ERBB4: variants seen among roughly 807,000 people sequenced by gnomAD.
ERBB4 encodes erb-b2 receptor tyrosine kinase 4.
ERBB4 carries 42 observed loss-of-function variants against 158.0 expected under a neutral mutation model. The ratio of observed to expected loss-of-function variants is 0.27; its 90% CI spans 0.21 to 0.34. The LOEUF (loss-of-function observed/expected upper bound fraction) is 0.34. Ranked by LOEUF, ERBB4 falls within the 10% of genes least tolerant of loss-of-function variation. ERBB4 has a pLI of 1.00. For missense variants in ERBB4, 1,333 were observed against 1,624.1 expected (o/e 0.82, Z 3.08); for synonymous variants, 583 against 558.7 (o/e 1.04, Z -0.61).
intron 3 of ERBB4, among the ~76,000 whole-genome samples, chr2:211,876,368 G>C (rs181875401): frequency 2.6e-5 from 4 of 152,306 alleles, no homozygotes; most frequent in African/African-American, 9.6e-5. Flanking sequence ...AGAATGGCAA[G>C]ACAGAGGAAG....
intron 3 of ERBB4, among the ~76,000 whole-genome samples, chr2:211,922,519 G>A (rs1249979452): frequency 6.6e-6 from 1 of 151,990 alleles, no homozygotes; most frequent in Non-Finnish European, 1.5e-5. Flanking sequence ...AGAAATCACT[G>A]CACTTTCCAA....
At chr2:212,180,244 A>G (rs927193618) in intron 1 of ERBB4, among the ~76,000 whole-genome samples, 1 of 151,742 alleles carries the variant, frequency 6.6e-6, no homozygotes, top group Non-Finnish European at 1.5e-5. Context: ...TTCTTGCCCA[A>G]CTGTGAAGAT....
intron 25 of ERBB4, among the ~76,000 whole-genome samples, chr2:211,409,661 A>G (rs139249947): frequency 3.7e-4 from 56 of 152,278 alleles, no homozygotes; most frequent in African/African-American, 1.3e-3. Context: ...TTTTAAGCCA[A>G]TTGATACTAA....
intron 2 of ERBB4, among the ~76,000 whole-genome samples, chr2:211,966,735 C>G (rs1324124004): frequency 1.3e-5 from 2 of 151,692 alleles, no homozygotes; most frequent in East Asian, 1.9e-4. Context: ...AAACCAATAC[C>G]CTGTAGTTCT....
At chr2:212,469,752 AT>A (rs1560414668) in intron 1 of ERBB4, among the ~76,000 whole-genome samples, 3 of 152,082 alleles carry the variant, frequency 2.0e-5, no homozygotes, top group African/African-American at 7.2e-5. Flanking sequence ...AGATTTTTCA[AT>A]GCCTTCCAAA....
At chr2:211,682,881 T>G (rs113063760) in intron 12 of ERBB4, among the ~76,000 whole-genome samples, 4 of 152,150 alleles carry the variant, frequency 2.6e-5, no homozygotes, top group Admixed American at 2.0e-4. Flanking sequence ...AATGTAATAA[T>G]TGAAATAATT....
At chr2:211,596,796 C>A (rs1225421106) in intron 19 of ERBB4, among the ~76,000 whole-genome samples, 1 of 151,250 alleles carries the variant, frequency 6.6e-6, no homozygotes, top group Non-Finnish European at 1.5e-5. Flanking sequence ...TGGAGTTTCA[C>A]TCTTGTTGTT....
chr2:212,188,183 G>T (rs1308897498), intron 1 of ERBB4, among the ~76,000 whole-genome samples: 5 of 37,836 alleles, frequency 1.3e-4, no homozygotes, highest in African/African-American at 3.3e-4. Context: ...AATACCTTCA[G>T]GTCTCTCTCT....
intron 3 of ERBB4, among the ~76,000 whole-genome samples, chr2:211,823,931 T>C (rs562486236): frequency 6.6e-5 from 10 of 151,958 alleles, no homozygotes; most frequent in African/African-American, 9.7e-5. Context: ...ATATGTAAAA[T>C]TGTGTATGAA....
At chr2:211,825,256 G>A (rs1183455581) in intron 3 of ERBB4, among the ~76,000 whole-genome samples, 1 of 151,722 alleles carries the variant, frequency 6.6e-6, no homozygotes, top group African/African-American at 2.4e-5. Flanking sequence ...ATGATAATAA[G>A]TAGTTAACGG....
chr2:211,538,454 C>T (rs1285631111), intron 20 of ERBB4, among the ~76,000 whole-genome samples: 1 of 151,674 alleles, frequency 6.6e-6, no homozygotes, highest in Non-Finnish European at 1.5e-5. Flanking sequence ...AGCTTACAAC[C>T]CTTCAATATT....
chr2:211,684,382 T>C (rs1207545726), intron 12 of ERBB4, among the ~76,000 whole-genome samples: 4 of 151,730 alleles, frequency 2.6e-5, no homozygotes, highest in African/African-American at 4.8e-5. Context: ...AACCGGGAGG[T>C]GGAGGTTTCA....
rs2105870408 is a variant in ERBB4, at chr2:211,793,735, A to G, written c.422-5576T>C. On this transcript the variant is annotated intron_variant, in intron 3 of 27. Coordinates refer to ENST00000342788, the MANE Select transcript of ERBB4 (RefSeq NM_005235.3). ...CCAGAGATTCCTGTATCTTTCCCAA[A>G]CCCAGACCTTTCAGCTGGGAGCACA... 3.3e-5 allele frequency among the ~76,000 whole-genome samples: 5 copies of G among 151,898 alleles called. No individual in the cohort carries two copies. In the South Asian group the frequency reaches 1.0e-3, roughly 32 times the overall value.
intron 20 of ERBB4, among the ~76,000 whole-genome samples, chr2:211,485,383 A>C (rs1204099817): frequency 6.6e-6 from 1 of 152,088 alleles, no homozygotes; most frequent in African/African-American, 2.4e-5. Context: ...TTTCTGTAGG[A>C]AAAACTATAG....
At chr2:212,331,071 T>TATATATATATATATATATATACAC (rs147932949) in intron 1 of ERBB4, among the ~76,000 whole-genome samples, 1 of 120,024 alleles carries the variant, frequency 8.3e-6, no homozygotes, top group African/African-American at 2.8e-5. Flanking sequence ...TATATATATA[T>TATATATATATATATATATATACAC]ACACATATAT....
At chr2:212,080,743 A>G (rs2078418999) in intron 2 of ERBB4, among the ~76,000 whole-genome samples, 1 of 151,384 alleles carries the variant, frequency 6.6e-6, no homozygotes, top group African/African-American at 2.4e-5. Context: ...CAAGCTTTTT[A>G]GAAATTGCTT....
chr2:211,452,186 A>AT lies in ERBB4; in HGVS notation c.2488-21087dup, dbSNP rs138934328. ...TACATTTGTAATAAAAATAAACACT[A>AT]TTTTTTTTTGAGATGGAGTCTCGCT... is the stretch of plus-strand genomic sequence containing the variant. On this transcript the variant is annotated intron_variant, in intron 20 of 27. Transcript: ENST00000342788. 6.4e-3 allele frequency among the ~76,000 whole-genome samples: 919 copies of AT among 144,196 alleles called. 10 individuals carry two copies. The highest frequency in any genetic ancestry group is 0.025 in the African/African-American group (876 of 34,356). The allele number at this position is 144,196 out of a possible 152,430, so 94.6% of individuals were successfully genotyped here. A position where few individuals can be genotyped will look rare whatever the true frequency, so the allele number is the denominator to read the frequency against.
At chr2:211,973,852 C>A (rs1285914782) in intron 2 of ERBB4, among the ~76,000 whole-genome samples, 2 of 151,850 alleles carry the variant, frequency 1.3e-5, no homozygotes, top group African/African-American at 4.8e-5. Context: ...CAATAATAGA[C>A]TGGATAAAAA....
At chr2:212,133,393 GGT>G (rs1399219654) in intron 1 of ERBB4, among the ~76,000 whole-genome samples, 3 of 143,580 alleles carry the variant, frequency 2.1e-5, no homozygotes. Context: ...TTTTCATTTT[GGT>G]GTTTTTTTTT....
Sources: gnomAD v4.1 joint callset for allele counts (sites outside exome capture counted in the v4.1 genomes callset) on GRCh38, gnomAD v4.1.1 for gene constraint, MANE v1.5 for transcripts, NCBI Gene and HGNC (gene_info 2026-07-23, HGNC 2026-07-21) for gene names.